The following CDC20B variants were observed in gnomAD, a reference collection of about 807,000 sequenced individuals.
CDC20B encodes the protein cell division cycle 20B.
A neutral mutation model predicts 64.1 loss-of-function variants in CDC20B; 58 were observed. That is an observed-to-expected ratio of 0.90 (90% CI 0.73 to 1.13). The LOEUF (loss-of-function observed/expected upper bound fraction) is 1.13, where lower values mean the gene tolerates loss of function less well. Among genes scored for constraint, CDC20B ranks in the 50% most tolerant of loss-of-function variants. The pLI is 0.00. For missense variants in CDC20B, 597 were observed against 633.0 expected (o/e 0.94, Z 0.61); for synonymous variants, 243 against 230.6 (o/e 1.05, Z -0.49).
chr5:55,139,452 G>A (rs1480685762), intron 5 of CDC20B, among the ~76,000 whole-genome samples: 1 of 152,154 alleles, frequency 6.6e-6, no homozygotes, highest in Non-Finnish European at 1.5e-5. Context: ...AGAAGAAACT[G>A]GAGTGAGTGA....
intron 6 of CDC20B, 81 bp from the exon 7 acceptor site, chr5:55,128,698 G>A: frequency 1.9e-6 from 2 of 1,038,646 alleles, no homozygotes; most frequent in South Asian, 2.1e-5. Flanking sequence ...ATAGGTAGGG[G>A]GAAAAGAATA....
At chr5:55,164,279 T>A in intron 2 of CDC20B, 1 of 1,325,596 alleles carries the variant, frequency 7.5e-7, no homozygotes, top group Non-Finnish European at 1.0e-6. Context: ...GGTCTCATTT[T>A]AAACATTTTT....
chr5:55,155,134 G>T (rs528113253), intron 2 of CDC20B, among the ~76,000 whole-genome samples: 1 of 152,214 alleles, frequency 6.6e-6, no homozygotes, highest in Non-Finnish European at 1.5e-5. Flanking sequence ...TGAATGACTC[G>T]GTACTCCAAG....
intron 4 of CDC20B, among the ~76,000 whole-genome samples, chr5:55,141,434 AT>A (rs1276152038): frequency 9.9e-5 from 15 of 152,234 alleles, no homozygotes; most frequent in Non-Finnish European, 1.8e-4. Flanking sequence ...TTTACGGACA[AT>A]AGTGGCTTAG....
At chr5:55,158,538 A>C (rs1019340077) in intron 2 of CDC20B, among the ~76,000 whole-genome samples, 11 of 152,150 alleles carry the variant, frequency 7.2e-5, no homozygotes, top group African/African-American at 2.7e-4. Context: ...GCCACCCGAA[A>C]ACACACATGC....
At chr5:55,123,887 A>G (rs577090113) in intron 9 of CDC20B, among the ~76,000 whole-genome samples, 1 of 152,310 alleles carries the variant, frequency 6.6e-6, no homozygotes, top group East Asian at 1.9e-4. Context: ...ATATTGGGCC[A>G]GTACAATGTA....
At chr5:55,122,333 C>G (rs1742778187) in intron 9 of CDC20B, among the ~76,000 whole-genome samples, 1 of 151,228 alleles carries the variant, frequency 6.6e-6, no homozygotes, top group South Asian at 2.1e-4. Flanking sequence ...GCAGTGCTAC[C>G]ACAAAGGGTC....
intron 11 of CDC20B, 106 bp downstream of exon 11, chr5:55,119,695 T>C (rs1282751760): frequency 1.4e-6 from 1 of 704,530 alleles, no homozygotes; most frequent in African/African-American, 1.8e-5. Context: ...ATGAAATGTG[T>C]ACTTAGAAAA....
chr5:55,160,755 AT>A, intron 2 of CDC20B: 1 of 487,110 alleles, frequency 2.1e-6, no homozygotes, highest in Non-Finnish European at 3.5e-6. Flanking sequence ...TTTATCTTTA[AT>A]TTAAAAATAA....
chr5:55,153,748 G>T (rs1424450673), intron 2 of CDC20B, among the ~76,000 whole-genome samples: 1 of 152,176 alleles, frequency 6.6e-6, no homozygotes, highest in Non-Finnish European at 1.5e-5. Context: ...ATAGAATTCA[G>T]AATAAAGTCT....
At chr5:55,170,264 G>A (rs1453504708) in intron 2 of CDC20B, among the ~76,000 whole-genome samples, 1 of 152,096 alleles carries the variant, frequency 6.6e-6, no homozygotes, top group African/African-American at 2.4e-5. Flanking sequence ...CTTAAACACT[G>A]TCTACTCCGA....
intron 2 of CDC20B, among the ~76,000 whole-genome samples, chr5:55,167,626 G>A (rs1744457396): frequency 6.6e-6 from 1 of 152,168 alleles, no homozygotes; most frequent in Non-Finnish European, 1.5e-5. Context: ...TTAAGCAGCT[G>A]AGGTGGGAGG....
Position 55,121,896 on chromosome 5 carries a change from G to A in CDC20B, c.1216-1346C>T, listed in dbSNP as rs371047336. Among the ~76,000 whole-genome samples, 9 of 152,186 alleles carry A rather than the reference G, an allele frequency of 5.9e-5. No homozygotes were observed. In the South Asian group the frequency reaches 1.5e-3, roughly 25 times the overall value. ...GCCATCTAAGCACCTACATCTTAAC[G>A]CTTTTCTTACAAGTTTGAGTCCATT... On this transcript the variant is annotated intron_variant, in intron 9 of 11. Coordinates refer to ENST00000381375, the MANE Select transcript of CDC20B (RefSeq NM_001170402.1).
At chr5:55,171,088 C>A (rs1284844028) in intron 2 of CDC20B, among the ~76,000 whole-genome samples, 3 of 152,192 alleles carry the variant, frequency 2.0e-5, no homozygotes, top group Non-Finnish European at 4.4e-5. Flanking sequence ...CCAAGGTTGG[C>A]TGATCCCCTA....
Position 55,141,815 on chromosome 5 carries a change from T to A in CDC20B, c.487-1408A>T, listed in dbSNP as rs140875803. Among the ~76,000 whole-genome samples the A allele has an allele frequency of 2.0e-5, 3 of 152,284 alleles. No homozygotes were observed. In the East Asian group the frequency reaches 5.8e-4, roughly 29 times the overall value. On this transcript the variant is annotated intron_variant, in intron 4 of 11. Transcript: ENST00000381375. ...CTTGGCACTATGGGCAACAATTCAT[T>A]GTTGTGGGAGCTGTTCTGTGCATTG...
At chr5:55,138,181 AG>A (rs1416457968) in intron 5 of CDC20B, among the ~76,000 whole-genome samples, 2 of 150,142 alleles carry the variant, frequency 1.3e-5, no homozygotes, top group Non-Finnish European at 3.0e-5. Flanking sequence ...AAAAAAAAAA[AG>A]ACAGAGCTCA....
intron 4 of CDC20B, among the ~76,000 whole-genome samples, chr5:55,142,784 T>C (rs1335964868): frequency 2.6e-5 from 4 of 152,196 alleles, no homozygotes; most frequent in Admixed American, 2.0e-4. Flanking sequence ...TGAACAATAT[T>C]TTATTATTCT....
intron 2 of CDC20B, chr5:55,160,502 TAGTCTTCAGAGTAA>T: frequency 1.3e-6 from 1 of 789,956 alleles, no homozygotes; most frequent in Non-Finnish European, 2.1e-6. Context: ...AGTTGGAATT[TAGTCTTCAGAGTAA>T]TGGTATTAGT....
At chr5:55,172,276 CAG>C (rs1472658336) in intron 2 of CDC20B, 1 of 288,176 alleles carries the variant, frequency 3.5e-6, no homozygotes, top group Non-Finnish European at 6.6e-6. Context: ...CTGAATGCAA[CAG>C]AGAGGAGTGC....
Sources: gnomAD v4.1 joint callset for allele counts (sites outside exome capture counted in the v4.1 genomes callset) on GRCh38, gnomAD v4.1.1 for gene constraint, MANE v1.5 for transcripts, NCBI Gene and HGNC (gene_info 2026-07-23, HGNC 2026-07-21) for gene names.